The following PRDM5 variants were observed in gnomAD, a reference collection of about 807,000 sequenced individuals.
PRDM5 encodes PR domain zinc finger protein 5.
PRDM5 carries 56 observed loss-of-function variants against 81.2 expected under a neutral mutation model. The ratio of observed to expected loss-of-function variants is 0.69; its 90% CI spans 0.56 to 0.86. The LOEUF is 0.86. Ranked by LOEUF, PRDM5 falls within the 40% of genes least tolerant of loss-of-function variation. The probability of loss-of-function intolerance (pLI) is 0.00; values close to 1 mark genes in which losing one functional copy is unlikely to be tolerated. For synonymous variants in PRDM5, 267 were observed against 256.4 expected (o/e 1.04, Z -0.39); for missense variants, 697 against 770.1 (o/e 0.91, Z 1.12).
intron 14 of PRDM5, among the ~76,000 whole-genome samples, chr4:120,734,417 CAAAT>C (rs1208889529): frequency 3.2e-5 from 4 of 124,494 alleles, no homozygotes; most frequent in African/African-American, 1.0e-4. Context: ...CACACACACA[CAAAT>C]ACACACACAC....
chr4:120,773,997 T>C (rs1280114429), intron 13 of PRDM5, among the ~76,000 whole-genome samples: 2 of 152,258 alleles, frequency 1.3e-5, no homozygotes, highest in African/African-American at 4.8e-5. Flanking sequence ...ATATTGTTAC[T>C]TTTAGTAAAT....
chr4:120,773,723 C>A (rs1407593834), intron 13 of PRDM5, among the ~76,000 whole-genome samples: 1 of 152,154 alleles, frequency 6.6e-6, no homozygotes, highest in Non-Finnish European at 1.5e-5. Context: ...ACTGTAATAA[C>A]ACCCAAAATT....
At chr4:120,720,499 T>C (rs57574620) in intron 14 of PRDM5, among the ~76,000 whole-genome samples, 5,194 of 152,298 alleles carry the variant, frequency 0.034, 111 homozygotes, top group African/African-American at 0.054. Flanking sequence ...CATGGGTTTC[T>C]ATTACACACA....
intron 3 of PRDM5, among the ~76,000 whole-genome samples, chr4:120,821,917 AT>A: frequency 6.6e-6 from 1 of 151,772 alleles, no homozygotes; most frequent in South Asian, 2.1e-4. Context: ...TGGTCTCTAA[AT>A]CCCACAGAAA....
At chr4:120,719,181 C>G (rs1434410161) in intron 14 of PRDM5, among the ~76,000 whole-genome samples, 1 of 152,202 alleles carries the variant, frequency 6.6e-6, no homozygotes, top group East Asian at 1.9e-4. Flanking sequence ...CCCTTCCCCA[C>G]TCCATCTTCC....
chr4:120,881,770 C>T (rs771288474), intron 2 of PRDM5, among the ~76,000 whole-genome samples: 13 of 152,104 alleles, frequency 8.5e-5, no homozygotes, highest in South Asian at 2.1e-4. Flanking sequence ...AATAAAAAAC[C>T]TACTTGCAAT....
intron 13 of PRDM5, among the ~76,000 whole-genome samples, chr4:120,775,999 A>G (rs185809540): frequency 1.6e-4 from 24 of 152,226 alleles, no homozygotes; most frequent in Non-Finnish European, 3.1e-4. Flanking sequence ...TTTTAAGTAC[A>G]CCTGCCCTCA....
chr4:120,821,496 G>C (rs1755268338), intron 3 of PRDM5, 151 bp from the exon 4 acceptor site: 2 of 717,000 alleles, frequency 2.8e-6, no homozygotes, highest in Admixed American at 5.8e-5. Flanking sequence ...GAAAAAGGCA[G>C]GTGACAATAT....
chr4:120,895,923 A>G (rs1275669467), intron 2 of PRDM5, among the ~76,000 whole-genome samples: 2 of 152,220 alleles, frequency 1.3e-5, no homozygotes, highest in African/African-American at 4.8e-5. Context: ...AACACTAAAA[A>G]TGGGCCACCA....
At chr4:120,805,464 C>T (rs1009739190) in intron 8 of PRDM5, among the ~76,000 whole-genome samples, 3 of 152,132 alleles carry the variant, frequency 2.0e-5, no homozygotes, top group Non-Finnish European at 4.4e-5. Context: ...AAAATACTGG[C>T]AAATCAAATC....
chr4:120,835,594 T>C (rs1249676729), intron 3 of PRDM5, among the ~76,000 whole-genome samples: 6 of 152,178 alleles, frequency 3.9e-5, no homozygotes, highest in Non-Finnish European at 8.8e-5. Flanking sequence ...GCACAACCTC[T>C]CTCTCTTTGC....
intron 2 of PRDM5, among the ~76,000 whole-genome samples, chr4:120,880,287 C>G (rs1024279763): frequency 6.6e-6 from 1 of 152,060 alleles, no homozygotes; most frequent in Admixed American, 6.6e-5. Flanking sequence ...TATTAAAGTT[C>G]ACTTTCTCCA....
chr4:120,910,277 T>C (rs1766360264), intron 1 of PRDM5, among the ~76,000 whole-genome samples: 1 of 152,222 alleles, frequency 6.6e-6, no homozygotes, highest in Non-Finnish European at 1.5e-5. Flanking sequence ...GGCTGCAAGA[T>C]TATAAAAATG....
At chr4:120,808,758 G>C (rs72921562) in intron 8 of PRDM5, among the ~76,000 whole-genome samples, 1 of 152,196 alleles carries the variant, frequency 6.6e-6, no homozygotes, top group Admixed American at 6.5e-5. Context: ...CTCCCCTACA[G>C]GGAGGTAGCT....
intron 11 of PRDM5, among the ~76,000 whole-genome samples, chr4:120,784,449 A>G (rs1749470171): frequency 6.6e-6 from 1 of 152,152 alleles, no homozygotes; most frequent in Non-Finnish European, 1.5e-5. Context: ...GGTAAGTAGG[A>G]AAAGCACCTA....
intron 14 of PRDM5, among the ~76,000 whole-genome samples, chr4:120,727,809 G>A (rs958304609): frequency 5.3e-5 from 8 of 151,936 alleles, no homozygotes; most frequent in African/African-American, 7.3e-5. Context: ...AGTGGCTCAC[G>A]TCTGTAATCC....
rs773269685 is a variant in PRDM5 at position 120,722,769 on chromosome 4, G to A, written c.1624-12356C>T. On this transcript the variant is annotated intron_variant, in intron 14 of 15. Transcript: ENST00000264808. The stretch of plus-strand genomic sequence containing the variant: ...TGGCTGCGATTACTGAGAAGAGAAG[G>A]TAAGTCTATGGGAGATTCTGGAAAA... Among the ~76,000 whole-genome samples, 7 of 152,138 alleles carry A rather than the reference G, an allele frequency of 4.6e-5. No homozygotes were observed. In the South Asian group the frequency reaches 6.2e-4, roughly 14 times the overall value.
intron 2 of PRDM5, among the ~76,000 whole-genome samples, chr4:120,868,226 A>G (rs1332771120): frequency 6.6e-6 from 1 of 152,168 alleles, no homozygotes; most frequent in Non-Finnish European, 1.5e-5. Context: ...GAGGTTTTGC[A>G]TAGCTGATTT....
intron 3 of PRDM5, among the ~76,000 whole-genome samples, chr4:120,853,174 G>A (rs1759482816): frequency 1.3e-5 from 2 of 152,072 alleles, no homozygotes; most frequent in Admixed American, 1.3e-4. Context: ...ATCTGCCAAG[G>A]ACAATATCAG....
Sources: gnomAD v4.1 joint callset for allele counts (sites outside exome capture counted in the v4.1 genomes callset) on GRCh38, gnomAD v4.1.1 for gene constraint, MANE v1.5 for transcripts, NCBI Gene and HGNC (gene_info 2026-07-23, HGNC 2026-07-21) for gene names.